SERGEF: variants seen among roughly 807,000 people sequenced by gnomAD.
The protein encoded by SERGEF is secretion regulating guanine nucleotide exchange factor.
SERGEF carries 51 observed loss-of-function variants against 50.0 expected under a neutral mutation model. That is an observed-to-expected ratio of 1.02 (90% CI 0.81 to 1.29). The LOEUF (loss-of-function observed/expected upper bound fraction) is 1.29. Among genes scored for constraint, SERGEF ranks in the 50% most tolerant of loss-of-function variants. The pLI is 0.00. For synonymous variants in SERGEF, 205 were observed against 212.4 expected, an observed-to-expected ratio of 0.97 and a Z score of 0.30; for missense variants, 521 against 557.0, an observed-to-expected ratio of 0.94 and a Z score of 0.65.
chr11:17,955,530 C>T (rs748419662), intron 9 of SERGEF, among the ~76,000 whole-genome samples: 1 of 152,106 alleles, frequency 6.6e-6, no homozygotes, highest in Non-Finnish European at 1.5e-5. Context: ...GGATGGTGGG[C>T]AAGAAATCCA....
intron 8 of SERGEF, among the ~76,000 whole-genome samples, chr11:17,975,128 C>T: frequency 6.6e-6 from 1 of 152,224 alleles, no homozygotes. Flanking sequence ...AGCCTCACAA[C>T]ACCCCCAAAC....
At chr11:17,867,440 C>T (rs1454589655) in intron 10 of SERGEF, among the ~76,000 whole-genome samples, 1 of 152,246 alleles carries the variant, frequency 6.6e-6, no homozygotes, top group Non-Finnish European at 1.5e-5. Context: ...AGGTGGGTTC[C>T]CATGGTCTTG....
intron 9 of SERGEF, among the ~76,000 whole-genome samples, chr11:17,919,093 G>A (rs1423539200): frequency 6.6e-6 from 1 of 152,098 alleles, no homozygotes; most frequent in Non-Finnish European, 1.5e-5. Context: ...CAACAAACTA[G>A]GGTAAAAACA....
chr11:17,923,284 C>T (rs1852191060), intron 9 of SERGEF, among the ~76,000 whole-genome samples: 1 of 152,222 alleles, frequency 6.6e-6, no homozygotes, highest in African/African-American at 2.4e-5. Flanking sequence ...CCTCAGTGCG[C>T]TCAGCTCTGT....
At chr11:17,811,722 G>A (rs1424563732) in intron 10 of SERGEF, among the ~76,000 whole-genome samples, 2 of 152,224 alleles carry the variant, frequency 1.3e-5, no homozygotes, top group Admixed American at 6.5e-5. Flanking sequence ...GACTAAGTAG[G>A]TAACTTCCAG....
chr11:17,860,583 T>C (rs1850908773), intron 10 of SERGEF, among the ~76,000 whole-genome samples: 2 of 152,166 alleles, frequency 1.3e-5, no homozygotes, highest in Admixed American at 6.5e-5. Context: ...AGGCAGAAAT[T>C]GCCATTACTA....
Position 18,007,992 on chromosome 11 carries a change from T to C in SERGEF, c.145A>G (p.Arg49Gly). The C allele has an allele frequency of 6.2e-7, 1 of 1,614,134 alleles. No individual in the cohort carries two copies. Among genetic ancestry groups the C allele is most frequent in the Non-Finnish European group, 8.5e-7 (1 of 1,179,970 alleles). ...PQQLNDFCKP[R>G]SVRRITGGGG... ...CCTCCTGTGATCCTCCTGACACTCCTGGGTTTACAGAAGTCATTCAGTTGC... is the reference window on the plus strand; with the variant it reads ...CCTCCTGTGATCCTCCTGACACTCCCGGGTTTACAGAAGTCATTCAGTTGC... The change falls in exon 2 of 11, where the codon AGG becomes GGG. Residue 49 changes from arginine (R) to glycine (G), a missense_variant. Arg to Gly is a moderately radical substitution (Grantham distance 125). Transcript: ENST00000265965.
At chr11:17,907,020 CCTT>C (rs1418318890) in intron 9 of SERGEF, among the ~76,000 whole-genome samples, 9 of 152,110 alleles carry the variant, frequency 5.9e-5, no homozygotes, top group East Asian at 3.9e-4. Context: ...GTCTGCAGGC[CCTT>C]CTTCTCCTCG....
At chr11:17,844,882 C>G (rs1850574925) in intron 10 of SERGEF, among the ~76,000 whole-genome samples, 1 of 149,474 alleles carries the variant, frequency 6.7e-6, no homozygotes, top group Admixed American at 6.7e-5. Flanking sequence ...AGTACACTAA[C>G]AACAGCTAAT....
chr11:17,876,933 C>T (rs1232320005), intron 10 of SERGEF, among the ~76,000 whole-genome samples: 2 of 152,250 alleles, frequency 1.3e-5, no homozygotes, highest in African/African-American at 4.8e-5. Flanking sequence ...GTTACATTTT[C>T]TAGCTCCTTC....
chr11:17,788,863 C>T (rs1348297485), intron 10 of SERGEF, among the ~76,000 whole-genome samples: 1 of 152,242 alleles, frequency 6.6e-6, no homozygotes, highest in Non-Finnish European at 1.5e-5. Context: ...CTCCATCCAC[C>T]CTGATCTTCA....
At chr11:17,975,632 G>A (rs1022866897) in intron 8 of SERGEF, among the ~76,000 whole-genome samples, 6 of 152,128 alleles carry the variant, frequency 3.9e-5, no homozygotes, top group African/African-American at 1.2e-4. Context: ...CAGCCACAGC[G>A]ATGAGTAGAA....
At chr11:17,945,773 C>A (rs1011959297) in intron 9 of SERGEF, among the ~76,000 whole-genome samples, 1 of 151,930 alleles carries the variant, frequency 6.6e-6, no homozygotes, top group African/African-American at 2.4e-5. Context: ...ATGGAGAAAC[C>A]CCATCTCTAC....
chr11:17,882,804 T>G (rs997861527), intron 9 of SERGEF, among the ~76,000 whole-genome samples: 5 of 152,086 alleles, frequency 3.3e-5, no homozygotes, highest in African/African-American at 1.2e-4. Context: ...GGAGACAGCA[T>G]TAGAAGGATA....
chr11:17,905,311 C>T (rs2133924066), intron 9 of SERGEF, among the ~76,000 whole-genome samples: 1 of 152,260 alleles, frequency 6.6e-6, no homozygotes, highest in Non-Finnish European at 1.5e-5. Flanking sequence ...TTTATTGAAA[C>T]AATTTTTAGT....
At chr11:18,001,667 G>A (rs972715648) in intron 4 of SERGEF, among the ~76,000 whole-genome samples, 1 of 152,170 alleles carries the variant, frequency 6.6e-6, no homozygotes, top group Non-Finnish European at 1.5e-5. Flanking sequence ...AGCTGCTAAG[G>A]TTTGCAGTAA....
chr11:17,858,319 TG>T (rs1850862839), intron 10 of SERGEF, among the ~76,000 whole-genome samples: 2 of 151,812 alleles, frequency 1.3e-5, no homozygotes, highest in Non-Finnish European at 2.9e-5. Context: ...CATCAGAGGG[TG>T]GGAGTGAGGA....
At chr11:17,992,181 CAGAT>C (rs963824290) in intron 7 of SERGEF, among the ~76,000 whole-genome samples, 3 of 151,896 alleles carry the variant, frequency 2.0e-5, no homozygotes, top group African/African-American at 4.8e-5. Flanking sequence ...GACAGAAAAA[CAGAT>C]AGATCAAAGA....
intron 10 of SERGEF, among the ~76,000 whole-genome samples, chr11:17,830,804 T>C (rs1463847496): frequency 6.6e-6 from 1 of 152,186 alleles, no homozygotes; most frequent in Non-Finnish European, 1.5e-5. Context: ...AATGCTGTTA[T>C]AATGACCAAG....
Sources: gnomAD v4.1 joint callset for allele counts (sites outside exome capture counted in the v4.1 genomes callset) on GRCh38, gnomAD v4.1.1 for gene constraint, MANE v1.5 for transcripts, NCBI Gene and HGNC (gene_info 2026-07-23, HGNC 2026-07-21) for gene names.